The following SYS1 variants were observed in gnomAD, a reference collection of about 807,000 sequenced individuals.
The protein encoded by SYS1 is SYS1 golgi trafficking protein.
SYS1 carries 8 observed loss-of-function variants against 17.8 expected under a neutral mutation model. The ratio of observed to expected loss-of-function variants is 0.45; its 90% CI spans 0.26 to 0.81. SYS1 has a LOEUF of 0.81. Ranked by LOEUF, SYS1 falls within the 40% of genes least tolerant of loss-of-function variation. The probability of loss-of-function intolerance (pLI) is 0.16; values close to 1 mark genes in which losing one functional copy is unlikely to be tolerated. For missense variants in SYS1, 161 were observed against 203.9 expected, an observed-to-expected ratio of 0.79 and a Z score of 1.28; for synonymous variants, 95 against 90.9, an observed-to-expected ratio of 1.05 and a Z score of -0.26.
At chr20:45,374,053 C>A, downstream of SYS1, 1 of 1,598,908 alleles carries the variant, frequency 6.3e-7, no homozygotes, top group South Asian at 1.1e-5. Flanking sequence ...AGACTGTCCC[C>A]AGGGGGCGCT....
Position 45,363,251 on chromosome 20 carries a change from G to T in SYS1, c.-68G>T. ...CTCCATGGTCCTGTCTGTCAGCGCT[G>T]TTTTGGGAGCCCGCCGGTGAGGCCG... On this transcript the variant is annotated 5_prime_UTR_variant, in exon 1 of 4. Transcript: ENST00000243918. 8.3e-7 allele frequency: 1 copy of T among 1,207,380 alleles called. No individual in the cohort carries two copies. Among genetic ancestry groups the T allele is most frequent in the Non-Finnish European group, 1.0e-6 (1 of 964,374 alleles). 74.8% of individuals were successfully genotyped at this position (1,207,380 alleles called of 1,614,324 possible). A position where few individuals can be genotyped will look rare whatever the true frequency, so the allele number is the denominator to read the frequency against.
At chr20:45,363,457 C>T in intron 1 of SYS1, 72 bp from the exon 2 acceptor site, 1 of 1,506,770 alleles carries the variant, frequency 6.6e-7, no homozygotes. Context: ...TGGTTCCAGT[C>T]CCTCCTCCCG....
At chr20:45,374,403 C>T (rs1412619502) in exon 4 of SYS1, 6 of 607,484 alleles carry the variant, frequency 9.9e-6, no homozygotes, top group Non-Finnish European at 1.7e-5. Flanking sequence ...TCCTGAGTAG[C>T]TGATACTACA....
chr20:45,370,634 TCAAA>T (rs140928815), downstream of SYS1, among the ~76,000 whole-genome samples: 1,413 of 152,122 alleles, frequency 9.3e-3, 26 homozygotes, highest in African/African-American at 0.032. Flanking sequence ...GGTACACAGC[TCAAA>T]CAGTCTCCCC....
At chr20:45,372,073 C>T (rs1988571813), downstream of SYS1, among the ~76,000 whole-genome samples, 1 of 152,210 alleles carries the variant, frequency 6.6e-6, no homozygotes, top group Admixed American at 6.5e-5. Context: ...AGGGTGGCCT[C>T]CTCCCCAAAT....
In SYS1 at chr20:45,367,153, C is replaced by G; in HGVS notation, c.*38C>G. ...TGGACATCCTGCTGACACTTGGGCCCCTTAACACCTTGGGCTGCTCAGACC... is the reference window on the plus strand; with the variant it reads ...TGGACATCCTGCTGACACTTGGGCCGCTTAACACCTTGGGCTGCTCAGACC... On this transcript the variant is annotated 3_prime_UTR_variant, in exon 4 of 4. Transcript: ENST00000243918. 2 of 1,610,048 alleles carry G rather than the reference C, an allele frequency of 1.2e-6. No individual in the cohort carries two copies. Among genetic ancestry groups the G allele is most frequent in the South Asian group, 1.1e-5 (1 of 90,440 alleles).
intron 3 of SYS1, among the ~76,000 whole-genome samples, chr20:45,366,053 C>T (rs575201175): frequency 6.6e-6 from 1 of 152,262 alleles, no homozygotes; most frequent in African/African-American, 2.4e-5. Context: ...CTCTTTTGTC[C>T]ATGAGGGTTT....
intron 3 of SYS1, among the ~76,000 whole-genome samples, chr20:45,366,115 G>C (rs927115146): frequency 2.6e-5 from 4 of 152,186 alleles, no homozygotes; most frequent in African/African-American, 7.2e-5. Context: ...CTCTTAAGAG[G>C]CAGTTTAGCA....
exon 4 of SYS1, chr20:45,375,683 G>T: frequency 9.0e-7 from 1 of 1,113,934 alleles, no homozygotes; most frequent in Non-Finnish European, 1.3e-6. Flanking sequence ...CTTCTCTACT[G>T]CCCAGAGGCC....
chr20:45,374,157 TA>T, downstream of SYS1: 2 of 726,574 alleles, frequency 2.8e-6, no homozygotes, highest in East Asian at 5.4e-5. Flanking sequence ...CCCTTTAAGC[TA>T]GACCCGGTGG....
intron 2 of SYS1, among the ~76,000 whole-genome samples, chr20:45,364,133 C>T (rs1477116877): frequency 6.6e-6 from 1 of 152,212 alleles, no homozygotes; most frequent in Non-Finnish European, 1.5e-5. Flanking sequence ...AATGTCACCT[C>T]TGTGAACTTG....
exon 4 of SYS1, chr20:45,375,503 C>G (rs748321279): frequency 1.9e-6 from 3 of 1,591,866 alleles, no homozygotes; most frequent in Admixed American, 3.5e-5. Context: ...CACCCGATCT[C>G]CTGGAACTCT....
At chr20:45,375,468 C>T (rs763593904) in exon 4 of SYS1, 2 of 1,613,972 alleles carry the variant, frequency 1.2e-6, no homozygotes, top group Middle Eastern at 1.6e-4. Context: ...ACTCTAATTT[C>T]TTGGACTTGA....
At position 45,368,939 on chromosome 20, in the gene SYS1, A is replaced by G; in HGVS notation, c.*1824A>G. On this transcript the variant is annotated 3_prime_UTR_variant, in exon 4 of 4. Coordinates refer to ENST00000243918, the MANE Select transcript of SYS1 (RefSeq NM_033542.4). ...CAAGGTCTTGTGCCTATTTTTCTGCATATCTTCTGTGATGACAAATCTCTG... is the reference window on the plus strand; with the variant it reads ...CAAGGTCTTGTGCCTATTTTTCTGCGTATCTTCTGTGATGACAAATCTCTG... The G allele has an allele frequency of 2.2e-6, 2 of 921,804 alleles. No individual in the cohort carries two copies. The highest frequency in any genetic ancestry group is 2.6e-6 in the Non-Finnish European group (2 of 771,746). 57.1% of individuals were successfully genotyped at this position (921,804 alleles called of 1,614,324 possible). A position where few individuals can be genotyped will look rare whatever the true frequency, so the allele number is the denominator to read the frequency against.
rs1454018533 is a variant in SYS1 at position 45,367,052 on chromosome 20, C to T, written c.408C>T (p.Tyr136=). 8 of 1,614,060 alleles carry T rather than the reference C, an allele frequency of 5.0e-6. No individual in the cohort carries two copies. Among genetic ancestry groups the T allele is most frequent in the Admixed American group, 1.7e-5 (1 of 60,000 alleles). ...CIALMAVIGE[Y]LCMRTELKEI... is the part of the protein sequence containing the mutation. Reference sequence around the variant, plus strand: ...CACTCATGGCTGTCATCGGGGAGTACCTGTGCATGCGGACGGAGCTCAAGG... The same window carrying T: ...CACTCATGGCTGTCATCGGGGAGTATCTGTGCATGCGGACGGAGCTCAAGG... Residue 136 remains tyrosine, a synonymous_variant, in exon 4 of 4, where the codon TAC becomes TAT. Coordinates refer to ENST00000243918, the MANE Select transcript of SYS1 (RefSeq NM_033542.4).
chr20:45,371,556 G>A (rs1988561538), downstream of SYS1, among the ~76,000 whole-genome samples: 1 of 152,234 alleles, frequency 6.6e-6, no homozygotes, highest in Non-Finnish European at 1.5e-5. Context: ...AGGATTGGGA[G>A]TAAACAACTT....
chr20:45,372,329 G>A (rs765895192), downstream of SYS1, among the ~76,000 whole-genome samples: 2 of 152,320 alleles, frequency 1.3e-5, no homozygotes, highest in African/African-American at 2.4e-5. Context: ...ATTCAGTGGC[G>A]TTCCCAGTGG....
In SYS1 at chr20:45,375,265, C is replaced by T. The variant is rs765602712; in HGVS notation, c.*971C>T. 24 of 1,614,122 alleles carry T rather than the reference C, an allele frequency of 1.5e-5. No homozygotes were observed. The South Asian group carries it at 2.5e-4, about 17-fold the overall frequency. On this transcript the variant is annotated 3_prime_UTR_variant, in exon 4 of 4. Coordinates refer to the SYS1 transcript ENST00000426004. ...GGGCTTAATGAAGATGACTCGGGGG[C>T]CCTCGGTGAGTGGTTGCCTCCCCTG...
At chr20:45,365,363 A>G (rs1028174607) in intron 2 of SYS1, 7 of 571,452 alleles carry the variant, frequency 1.2e-5, no homozygotes, top group African/African-American at 5.6e-5. Context: ...ACTTTGGGCA[A>G]CTTAACTTGT....
Sources: allele counts gnomAD v4.1 joint callset (sites outside exome capture counted in the v4.1 genomes callset), GRCh38; gene constraint gnomAD v4.1.1; transcripts MANE v1.5; gene names NCBI Gene and HGNC (gene_info 2026-07-23, HGNC 2026-07-21).